The following FER variants were observed in gnomAD, a reference collection of about 807,000 sequenced individuals.
FER encodes the protein FER tyrosine kinase, also known as tyrosine-protein kinase Fer.
Under a neutral mutation model 111.0 loss-of-function variants are expected in FER, and 63 were observed. That is an observed-to-expected ratio of 0.57 (90% CI 0.46 to 0.70). The LOEUF is 0.70. FER is among the 30% of genes least tolerant of loss of function. FER has a pLI of 0.00. For missense variants in FER, 914 were observed against 954.0 expected, an observed-to-expected ratio of 0.96 and a Z score of 0.55; for synonymous variants, 327 against 313.9, an observed-to-expected ratio of 1.04 and a Z score of -0.44.
At chr5:108,848,540 C>T (rs1762245764) in intron 5 of FER, among the ~76,000 whole-genome samples, 1 of 151,726 alleles carries the variant, frequency 6.6e-6, no homozygotes, top group African/African-American at 2.4e-5. Flanking sequence ...GGTATTATGC[C>T]ACTTTGTATA....
At chr5:108,772,131 G>C (rs1752965498) in intron 2 of FER, among the ~76,000 whole-genome samples, 1 of 151,900 alleles carries the variant, frequency 6.6e-6, no homozygotes, top group Admixed American at 6.6e-5. Context: ...CTCTTTTATA[G>C]GGCATTAATT....
intron 5 of FER, among the ~76,000 whole-genome samples, chr5:108,857,544 A>G (rs1293288115): frequency 6.6e-6 from 1 of 152,066 alleles, no homozygotes; most frequent in East Asian, 1.9e-4. Flanking sequence ...CGTTGACGCT[A>G]TGTAAATACG....
chr5:109,106,621 C>CT (rs1748967359), intron 17 of FER, among the ~76,000 whole-genome samples: 2 of 151,930 alleles, frequency 1.3e-5, no homozygotes, highest in South Asian at 2.1e-4. Context: ...TTCTTTAACC[C>CT]TTTTTTCCTG....
At chr5:108,878,483 C>CT (rs11374620) in intron 8 of FER, among the ~76,000 whole-genome samples, 1,562 of 151,818 alleles carry the variant, frequency 0.01, 30 homozygotes, top group African/African-American at 0.036. Context: ...GCATCATCTT[C>CT]TTTTTTTTAA....
chr5:108,805,000 A>T (rs1757049392), intron 3 of FER, among the ~76,000 whole-genome samples: 1 of 150,150 alleles, frequency 6.7e-6, no homozygotes, highest in African/African-American at 2.5e-5. Context: ...GTTTTTTATT[A>T]CTGATTCAAT....
At chr5:108,977,228 G>A in intron 13 of FER, among the ~76,000 whole-genome samples, 1 of 152,056 alleles carries the variant, frequency 6.6e-6, no homozygotes. Flanking sequence ...ATATTTTTCT[G>A]AGCTATAAAT....
chr5:108,783,505 G>A (rs1754328440), intron 2 of FER, among the ~76,000 whole-genome samples: 1 of 152,120 alleles, frequency 6.6e-6, no homozygotes, highest in East Asian at 1.9e-4. Flanking sequence ...TTGGTTCTTG[G>A]TGTGACAGGT....
chr5:109,144,005 A>G (rs1426885096), intron 17 of FER, among the ~76,000 whole-genome samples: 7 of 151,966 alleles, frequency 4.6e-5, no homozygotes, highest in Non-Finnish European at 1.0e-4. Flanking sequence ...ACCAATGTCT[A>G]AGCTCCATGA....
intron 3 of FER, among the ~76,000 whole-genome samples, chr5:108,822,215 A>G (rs1405685594): frequency 6.6e-6 from 1 of 152,176 alleles, no homozygotes; most frequent in Non-Finnish European, 1.5e-5. Context: ...TCCATTATAT[A>G]TGTGTATACA....
intron 16 of FER, among the ~76,000 whole-genome samples, chr5:109,076,935 A>G (rs1776412564): frequency 1.3e-5 from 2 of 152,218 alleles, no homozygotes; most frequent in South Asian, 4.1e-4. Flanking sequence ...ATGGATGATG[A>G]TAAGCCTGAG....
intron 10 of FER, among the ~76,000 whole-genome samples, chr5:108,929,069 A>G (rs182752096): frequency 3.3e-4 from 51 of 152,256 alleles, no homozygotes; most frequent in Admixed American, 3.1e-3. Flanking sequence ...ATAGACTGTA[A>G]ATAACCCTGA....
intron 16 of FER, among the ~76,000 whole-genome samples, chr5:109,061,860 GTTC>G (rs1483737715): frequency 6.6e-6 from 1 of 152,144 alleles, no homozygotes; most frequent in African/African-American, 2.4e-5. Flanking sequence ...ATATGCTCCT[GTTC>G]TTGTCAGATA....
chr5:109,160,950 A>C (rs79445221), intron 17 of FER, among the ~76,000 whole-genome samples: 1 of 152,266 alleles, frequency 6.6e-6, no homozygotes, highest in African/African-American at 2.4e-5. Flanking sequence ...ACACCTTGAT[A>C]TATTATCTTA....
At chr5:109,153,621 T>TATTGCTTTCTATTTGTATGTATTATCG (rs1755078302) in intron 17 of FER, among the ~76,000 whole-genome samples, 1 of 151,870 alleles carries the variant, frequency 6.6e-6, no homozygotes, top group Non-Finnish European at 1.5e-5. Context: ...AACACAGTAG[T>TATTGCTTTCTATTTGTATGTATTATCG]TATCAACATT....
At chr5:109,108,344 T>C (rs1297431105) in intron 17 of FER, among the ~76,000 whole-genome samples, 1 of 152,220 alleles carries the variant, frequency 6.6e-6, no homozygotes, top group African/African-American at 2.4e-5. Context: ...ATGTATTAGA[T>C]ATATTTATCA....
At chr5:109,181,629 G>A (rs1758303331) in intron 18 of FER, among the ~76,000 whole-genome samples, 1 of 152,118 alleles carries the variant, frequency 6.6e-6, no homozygotes, top group Non-Finnish European at 1.5e-5. Flanking sequence ...GAATAAAAAT[G>A]TAAAATGATT....
chr5:109,100,647 T>G, intron 17 of FER, 128 bp downstream of exon 17: 2 of 952,102 alleles, frequency 2.1e-6, no homozygotes, highest in South Asian at 3.5e-5. Context: ...GTATTTTGTG[T>G]GAAAGTGTCC....
intron 14 of FER, among the ~76,000 whole-genome samples, chr5:109,038,454 T>A (rs778072596): frequency 8.8e-4 from 133 of 151,950 alleles, no homozygotes; most frequent in Non-Finnish European, 1.4e-3. Flanking sequence ...CCCCTATTTT[T>A]AAAAAATCTC....
At chr5:108,920,646 T>G (rs983947481) in intron 10 of FER, among the ~76,000 whole-genome samples, 2 of 152,168 alleles carry the variant, frequency 1.3e-5, no homozygotes, top group Non-Finnish European at 2.9e-5. Context: ...TCTGACCTCT[T>G]GATAACATTT....
Sources: allele counts gnomAD v4.1 joint callset (sites outside exome capture counted in the v4.1 genomes callset), GRCh38; gene constraint gnomAD v4.1.1; transcripts MANE v1.5; gene names NCBI Gene and HGNC (gene_info 2026-07-23, HGNC 2026-07-21).